LAMA2: variants seen among roughly 807,000 people sequenced by gnomAD.
The protein encoded by LAMA2 is laminin subunit alpha-2.
In LAMA2, 269 loss-of-function variants were observed where a neutral mutation model predicts 364.8. The observed-to-expected ratio is 0.74, with a 90% confidence interval of 0.67 to 0.82. The LOEUF (loss-of-function observed/expected upper bound fraction) is 0.82, where lower values mean the gene tolerates loss of function less well. Ranked by LOEUF, LAMA2 falls within the 40% of genes least tolerant of loss-of-function variation. LAMA2 has a pLI of 0.00. For synonymous variants in LAMA2, 1,379 were observed against 1,370.6 expected (o/e 1.01, Z -0.14); for missense variants, 3,807 against 3,873.2 (o/e 0.98, Z 0.45).
intron 12 of LAMA2, among the ~76,000 whole-genome samples, chr6:129,203,932 C>A (rs192336058): frequency 6.6e-6 from 1 of 152,106 alleles, no homozygotes; most frequent in East Asian, 1.9e-4. Flanking sequence ...AGAAGCTGTC[C>A]GATAAATGCC....
Position 129,098,294 on chromosome 6 carries a change from A to T in LAMA2, c.518A>T (p.Asp173Val), listed in dbSNP as rs767671585. The change falls in exon 4 of 65, where the codon GAC becomes GTC. Residue 173 changes from aspartate (D) to valine (V), a missense_variant. By Grantham distance (152) the Asp-to-Val change is radical. Coordinates refer to ENST00000421865, the MANE Select transcript of LAMA2 (RefSeq NM_000426.4). ...YKPWQYHAVT[D>V]TECLTLYNIY... ...CCCTGGCAGTATCATGCTGTGACAG[A>T]CACGGAGTGCCTAACGCTTTACAAT... 12 of 1,614,002 alleles carry T rather than the reference A, an allele frequency of 7.4e-6. No homozygotes were observed. The highest frequency in any genetic ancestry group is 9.3e-6 in the Non-Finnish European group (11 of 1,180,020).
intron 5 of LAMA2, among the ~76,000 whole-genome samples, chr6:129,146,631 C>T (rs1298009704): frequency 6.6e-6 from 1 of 152,014 alleles, no homozygotes; most frequent in Non-Finnish European, 1.5e-5. Context: ...TGTAAAACAA[C>T]TTTTATGAAG....
intron 28 of LAMA2, among the ~76,000 whole-genome samples, chr6:129,322,555 A>G (rs1254159364): frequency 6.6e-6 from 1 of 152,190 alleles, no homozygotes; most frequent in African/African-American, 2.4e-5. Flanking sequence ...TTATATAGCT[A>G]TCCAATCTAT....
intron 1 of LAMA2, among the ~76,000 whole-genome samples, chr6:128,956,336 A>C (rs1254218155): frequency 6.6e-6 from 1 of 151,998 alleles, no homozygotes; most frequent in African/African-American, 2.4e-5. Flanking sequence ...GGGTATGTCT[A>C]TTTATTCTTC....
intron 47 of LAMA2, among the ~76,000 whole-genome samples, chr6:129,455,328 G>T (rs1160636908): frequency 1.3e-5 from 2 of 152,124 alleles, no homozygotes; most frequent in African/African-American, 4.8e-5. Flanking sequence ...GTGTGTGCAT[G>T]TGTGAGAGAG....
chr6:129,515,034 T>A (rs1786934285), intron 64 of LAMA2, among the ~76,000 whole-genome samples: 1 of 152,200 alleles, frequency 6.6e-6, no homozygotes, highest in African/African-American at 2.4e-5. Flanking sequence ...CTTATGTTAT[T>A]ATAGAGTTTA....
chr6:129,135,286 G>T (rs1429074453), intron 4 of LAMA2, among the ~76,000 whole-genome samples: 2 of 152,154 alleles, frequency 1.3e-5, no homozygotes, highest in Non-Finnish European at 2.9e-5. Flanking sequence ...ACATGGAATA[G>T]ACTCTCACTA....
intron 1 of LAMA2, among the ~76,000 whole-genome samples, chr6:128,973,417 GC>G (rs1782320414): frequency 6.6e-6 from 1 of 152,132 alleles, no homozygotes; most frequent in Admixed American, 6.5e-5. Context: ...AATGATTGAA[GC>G]AGTTATTTTT....
At position 128,914,532 on chromosome 6, in the gene LAMA2, A is replaced by G. The variant is rs994932984; in HGVS notation, c.112+31175A>G. Among the ~76,000 whole-genome samples, 3 of 152,208 alleles carry G rather than the reference A, an allele frequency of 2.0e-5. 1 individual carries two copies. The highest frequency in any genetic ancestry group is 2.0e-4 in the Admixed American group (3 of 15,284). ...TCCCGGGCCCAGTACATCCTAGTCC[A>G]GTTCCAACCATGTCTAATTTTAAAA... On this transcript the variant is annotated intron_variant, in intron 1 of 64. Transcript: ENST00000421865.
chr6:129,049,015 G>T (rs1219629511), intron 1 of LAMA2, among the ~76,000 whole-genome samples: 1 of 152,130 alleles, frequency 6.6e-6, no homozygotes, highest in African/African-American at 2.4e-5. Flanking sequence ...TCCATAAATA[G>T]AGTCAAATTA....
At chr6:129,458,775 G>A (rs1490144155) in intron 48 of LAMA2, among the ~76,000 whole-genome samples, 1 of 152,004 alleles carries the variant, frequency 6.6e-6, no homozygotes, top group Middle Eastern at 3.2e-3. Flanking sequence ...TAGAGCCTAG[G>A]TGTGTAGTAG....
intron 1 of LAMA2, among the ~76,000 whole-genome samples, chr6:128,904,901 G>A (rs868723741): frequency 9.2e-5 from 14 of 152,318 alleles, no homozygotes; most frequent in Admixed American, 2.6e-4. Flanking sequence ...TAGACTTCTT[G>A]TGTATGTGTG....
chr6:129,020,355 A>G (rs567890354), intron 1 of LAMA2, among the ~76,000 whole-genome samples: 56 of 152,310 alleles, frequency 3.7e-4, no homozygotes, highest in Non-Finnish European at 6.3e-4. Flanking sequence ...TAAACTGGAC[A>G]GTTAGACAGA....
At chr6:129,476,025 G>C (rs1469329818) in intron 53 of LAMA2, among the ~76,000 whole-genome samples, 2 of 152,182 alleles carry the variant, frequency 1.3e-5, no homozygotes, top group Non-Finnish European at 2.9e-5. Context: ...TAGTAAAGAA[G>C]TGTGAGATAG....
At chr6:129,304,451 G>A (rs1417514088) in intron 22 of LAMA2, among the ~76,000 whole-genome samples, 2 of 152,094 alleles carry the variant, frequency 1.3e-5, no homozygotes, top group African/African-American at 4.8e-5. Flanking sequence ...TTTTAGTAGA[G>A]ACGGGGTTTC....
intron 17 of LAMA2, among the ~76,000 whole-genome samples, chr6:129,272,413 C>G (rs1328804862): frequency 6.6e-6 from 1 of 152,108 alleles, no homozygotes; most frequent in Non-Finnish European, 1.5e-5. Flanking sequence ...ACCACCTAAA[C>G]TGTGACTGGA....
intron 55 of LAMA2, among the ~76,000 whole-genome samples, chr6:129,483,692 GCTGTTCCAC>G (rs1362936266): frequency 6.6e-6 from 1 of 152,110 alleles, no homozygotes; most frequent in Non-Finnish European, 1.5e-5. Flanking sequence ...CGTAGTTGGG[GCTGTTCCAC>G]CAGATATCAG....
chr6:129,224,271 T>C (rs1784081418), intron 12 of LAMA2, among the ~76,000 whole-genome samples: 1 of 152,192 alleles, frequency 6.6e-6, no homozygotes, highest in Non-Finnish European at 1.5e-5. Flanking sequence ...TTTCTAAATA[T>C]ACAATTATGT....
At chr6:128,897,928 C>T (rs554965037) in intron 1 of LAMA2, among the ~76,000 whole-genome samples, 5 of 152,230 alleles carry the variant, frequency 3.3e-5, no homozygotes, top group African/African-American at 9.6e-5. Context: ...AGTTAGACAT[C>T]GAGAGTTTGA....
Sources: allele counts gnomAD v4.1 joint callset (sites outside exome capture counted in the v4.1 genomes callset), GRCh38; gene constraint gnomAD v4.1.1; transcripts MANE v1.5; gene names NCBI Gene and HGNC (gene_info 2026-07-23, HGNC 2026-07-21).